The following TCEANC2 variants were observed in gnomAD, a reference collection of about 807,000 sequenced individuals.
TCEANC2 encodes transcription elongation factor A N-terminal and central domain containing 2, also known as transcription elongation factor A N-terminal and central domain-containing protein 2.
A neutral mutation model predicts 22.8 loss-of-function variants in TCEANC2; 20 were observed. That is an observed-to-expected ratio of 0.88 (90% confidence interval 0.62 to 1.28). TCEANC2 has a LOEUF of 1.28. Ranked by LOEUF, TCEANC2 falls within the 50% of genes most tolerant of loss-of-function variation. TCEANC2 has a pLI of 0.00. For missense variants in TCEANC2, 251 were observed against 249.7 expected (o/e 1.01, Z -0.03); for synonymous variants, 84 against 95.5 (o/e 0.88, Z 0.70).
intron 2 of TCEANC2, among the ~76,000 whole-genome samples, chr1:54,057,347 ATTTTTTTTTTTTT>A (rs1163556776): frequency 1.2e-5 from 1 of 85,930 alleles, no homozygotes; most frequent in Non-Finnish European, 2.1e-5. Flanking sequence ...CACCTGGCTA[ATTTTTTTTTTTTT>A]TTTTTTTTTT....
chr1:54,084,484 G>A (rs2100377968), intron 3 of TCEANC2, among the ~76,000 whole-genome samples: 1 of 152,232 alleles, frequency 6.6e-6, no homozygotes, highest in South Asian at 2.1e-4. Flanking sequence ...ACTTTGGCAG[G>A]TAAAATGTAG....
chr1:54,070,803 G>T (rs1658042084), intron 3 of TCEANC2, among the ~76,000 whole-genome samples: 1 of 152,308 alleles, frequency 6.6e-6, no homozygotes, highest in African/African-American at 2.4e-5. Flanking sequence ...CCTTTCCTGT[G>T]TTGGGAACTA....
In TCEANC2 at chr1:54,102,471, A is replaced by G. The variant is rs1297012042; in HGVS notation, c.*5998A>G. ...CAGACCATGGATCATCAAGTTGACC[A>G]TGTGACCAAAGCTGTTCATCATGAG... On this transcript the variant is annotated 3_prime_UTR_variant, in exon 5 of 5. Coordinates refer to ENST00000234827, the MANE Select transcript of TCEANC2 (RefSeq NM_153035.3). 1 of 152,248 alleles carries G rather than the reference A, an allele frequency of 6.6e-6. No homozygotes were observed. Among genetic ancestry groups the G allele is most frequent in the Non-Finnish European group, 1.5e-5 (1 of 68,040 alleles). 9.4% of individuals were successfully genotyped at this position (152,248 alleles called of 1,614,324 possible). A position where few individuals can be genotyped will look rare whatever the true frequency, so the allele number is the denominator to read the frequency against.
chr1:54,090,931 C>T (rs570563319), intron 4 of TCEANC2, among the ~76,000 whole-genome samples: 17 of 152,066 alleles, frequency 1.1e-4, no homozygotes, highest in Non-Finnish European at 2.2e-4. Flanking sequence ...TTAAACTCCA[C>T]GATAATTATC....
At chr1:54,074,963 G>A (rs1018485977) in intron 3 of TCEANC2, among the ~76,000 whole-genome samples, 3 of 152,190 alleles carry the variant, frequency 2.0e-5, no homozygotes, top group African/African-American at 7.2e-5. Flanking sequence ...AATGCTAATG[G>A]CAAAGATTCT....
chr1:54,088,927 A>G, intron 4 of TCEANC2, 137 bp downstream of exon 4: 1 of 504,792 alleles, frequency 2.0e-6, no homozygotes, highest in Non-Finnish European at 3.3e-6. Flanking sequence ...CATAATTAAG[A>G]TTTCATAATC....
chr1:54,075,232 G>T (rs1258566540), intron 3 of TCEANC2, among the ~76,000 whole-genome samples: 3 of 152,226 alleles, frequency 2.0e-5, no homozygotes, highest in African/African-American at 4.8e-5. Flanking sequence ...GCATTCAGGT[G>T]TATAATAATG....
intron 2 of TCEANC2, among the ~76,000 whole-genome samples, chr1:54,060,271 C>T (rs956164921): frequency 4.6e-5 from 7 of 151,524 alleles, no homozygotes; most frequent in African/African-American, 1.5e-4. Context: ...TGGGCGTGGT[C>T]GCGCGCGCCT....
rs1004569342 is a variant in TCEANC2 at position 54,100,819 on chromosome 1, G to A, written c.*4346G>A. ...CCATGGGAAGTTTTTGAGGAGGTGA[G>A]GGACCTAATCAGATGTGTGTTTTAA... On this transcript the variant is annotated 3_prime_UTR_variant, in exon 5 of 5. Coordinates refer to ENST00000234827, the MANE Select transcript of TCEANC2 (RefSeq NM_153035.3). The A allele has an allele frequency of 2.0e-5, 3 of 152,120 alleles. No homozygotes were observed. The highest frequency in any genetic ancestry group is 4.4e-5 in the Non-Finnish European group (3 of 68,042). 9.4% of individuals were successfully genotyped at this position (152,120 alleles called of 1,614,324 possible).
chr1:54,066,166 C>T (rs1557687441), intron 2 of TCEANC2, among the ~76,000 whole-genome samples: 2 of 151,730 alleles, frequency 1.3e-5, no homozygotes, highest in Non-Finnish European at 2.9e-5. Flanking sequence ...AGGAGGATTG[C>T]TTGAGCCCTG....
At chr1:54,054,315 C>T (rs1180942250) in intron 1 of TCEANC2, 66 bp from the exon 2 acceptor site, 26 of 1,526,558 alleles carry the variant, frequency 1.7e-5, no homozygotes, top group East Asian at 2.4e-5. Context: ...AATTGTGTTA[C>T]TTTGGGGAAA....
At chr1:54,107,769 T>C (rs1658780998), downstream of TCEANC2, among the ~76,000 whole-genome samples, 1 of 152,236 alleles carries the variant, frequency 6.6e-6, no homozygotes, top group Admixed American at 6.5e-5. Flanking sequence ...AACAAGCTCT[T>C]ATGATTGGCA....
At position 54,102,296 on chromosome 1, in the gene TCEANC2, GC is replaced by G. The variant is rs1444857356; in HGVS notation, c.*5825del. The G allele has an allele frequency of 1.3e-5, 2 of 152,252 alleles. No homozygotes were observed. Among genetic ancestry groups the G allele is most frequent in the Non-Finnish European group, 2.9e-5 (2 of 68,066 alleles). 9.4% of individuals were successfully genotyped at this position (152,252 alleles called of 1,614,324 possible). On this transcript the variant is annotated 3_prime_UTR_variant, in exon 5 of 5. Coordinates refer to ENST00000234827, the MANE Select transcript of TCEANC2 (RefSeq NM_153035.3). The stretch of plus-strand genomic sequence containing the variant: ...CGAGGTATCTGTGGTGGGAACAGAT[GC>G]CTGTGAAGTTTATGACAAGACCCTA...
At chr1:54,086,521 G>C (rs1658343432) in intron 3 of TCEANC2, among the ~76,000 whole-genome samples, 2 of 152,266 alleles carry the variant, frequency 1.3e-5, no homozygotes, top group Non-Finnish European at 2.9e-5. Context: ...ATGTTCATTG[G>C]GGTGTATGCT....
intron 3 of TCEANC2, among the ~76,000 whole-genome samples, chr1:54,070,458 T>C (rs1286083577): frequency 6.6e-6 from 1 of 152,172 alleles, no homozygotes; most frequent in Admixed American, 6.5e-5. Context: ...TAATTTCTAT[T>C]TGGTGTTCGA....
intron 3 of TCEANC2, among the ~76,000 whole-genome samples, chr1:54,086,987 T>C (rs1658350902): frequency 6.6e-6 from 1 of 152,236 alleles, no homozygotes; most frequent in Non-Finnish European, 1.5e-5. Flanking sequence ...TTCTTGTCCA[T>C]GCTTTCCAAA....
intron 2 of TCEANC2, among the ~76,000 whole-genome samples, chr1:54,062,575 G>A (rs535493203): frequency 6.6e-6 from 1 of 152,202 alleles, no homozygotes; most frequent in Non-Finnish European, 1.5e-5. Context: ...CAGCCTTGTC[G>A]ATGGTAAGTA....
intron 4 of TCEANC2, among the ~76,000 whole-genome samples, chr1:54,090,254 C>T (rs971363575): frequency 1.9e-4 from 29 of 152,092 alleles, no homozygotes; most frequent in African/African-American, 6.3e-4. Context: ...TTTTTAAATA[C>T]AAACTTCTAA....
intron 3 of TCEANC2, among the ~76,000 whole-genome samples, chr1:54,085,199 G>T (rs1186812203): frequency 6.6e-6 from 1 of 152,110 alleles, no homozygotes; most frequent in Non-Finnish European, 1.5e-5. Flanking sequence ...TCAACTCCAG[G>T]ATTCTCTTCA....
Sources: gnomAD v4.1 joint callset for allele counts (sites outside exome capture counted in the v4.1 genomes callset) on GRCh38, gnomAD v4.1.1 for gene constraint, MANE v1.5 for transcripts, NCBI Gene and HGNC (gene_info 2026-07-23, HGNC 2026-07-21) for gene names.